The following PCDHA12 variants were observed in gnomAD, a reference collection of about 807,000 sequenced individuals.
PCDHA12 encodes protocadherin alpha 12.
PCDHA12 carries 44 observed loss-of-function variants against 60.0 expected under a neutral mutation model. The ratio of observed to expected loss-of-function variants is 0.73; its 90% CI spans 0.58 to 0.94. The LOEUF is 0.94. Ranked by LOEUF, PCDHA12 falls within the 40% of genes least tolerant of loss-of-function variation. The probability of loss-of-function intolerance (pLI) is 0.00; values close to 1 mark genes in which losing one functional copy is unlikely to be tolerated. For missense variants in PCDHA12, 1,276 were observed against 1,239.7 expected (o/e 1.03, Z -0.44); for synonymous variants, 569 against 553.0 (o/e 1.03, Z -0.40).
At chr5:140,883,398 G>A (rs1421475221) in intron 1 of PCDHA12, 1 of 1,614,166 alleles carries the variant, frequency 6.2e-7, no homozygotes, top group Non-Finnish European at 8.5e-7. Flanking sequence ...GTGTCCGATC[G>A]TGACTCTGGC....
rs1195729562 is a variant in PCDHA12, at chr5:140,897,783, G to A, written c.2367+19944G>A. 1.3e-3 allele frequency among the ~76,000 whole-genome samples: 204 copies of A among 152,264 alleles called. 1 individual carries two copies. The highest frequency in any genetic ancestry group is 0.011 in the South Asian group (52 of 4,820). ...CGCCACACTGACTTCCACAATGGTTGAACTAGTTTAGAGTCCCACCAACAG... is the reference window on the plus strand; with the variant it reads ...CGCCACACTGACTTCCACAATGGTTAAACTAGTTTAGAGTCCCACCAACAG... On this transcript the variant is annotated intron_variant, in intron 1 of 3. Transcript: ENST00000398631.
In PCDHA12 at chr5:140,927,750, G is replaced by T. The variant is rs155819; in HGVS notation, c.2367+49911G>T. The T allele has an allele frequency of 1.4e-3, 2,310 of 1,614,204 alleles. 26 individuals carry two copies. In the African/African-American group the frequency reaches 0.026, roughly 18 times the overall value. On this transcript the variant is annotated intron_variant, in intron 1 of 3. Coordinates refer to ENST00000398631, the MANE Select transcript of PCDHA12 (RefSeq NM_018903.4). ...CAGAGCTGCGACACCGCTTTCACGT[G>T]CACCCTAAAAGTGGGGAGGTGCAAG...
chr5:140,971,902 T>G (rs1554233695), intron 1 of PCDHA12, among the ~76,000 whole-genome samples: 2 of 152,280 alleles, frequency 1.3e-5, no homozygotes, highest in Admixed American at 1.3e-4. Flanking sequence ...GGTTAGGTAA[T>G]CTACACAGCC....
intron 1 of PCDHA12, chr5:140,883,799 C>T: frequency 1.2e-6 from 2 of 1,612,460 alleles, no homozygotes; most frequent in Non-Finnish European, 1.7e-6. Flanking sequence ...CGTGTCGGTG[C>T]ACGCGGAGAG....
At position 141,004,143 on chromosome 5, in the gene PCDHA12, C is replaced by T. The variant is rs1023273119; in HGVS notation, c.2516-5484C>T. 2.6e-5 allele frequency among the ~76,000 whole-genome samples: 4 copies of T among 152,252 alleles called. No homozygotes were observed. In the East Asian group the frequency reaches 7.7e-4, roughly 29 times the overall value. ...TATCTCCATGATTCTGCCCCAAAGG[C>T]ATGACATTTTATAGGCAAAGCCAGC... On this transcript the variant is annotated intron_variant, in intron 3 of 3. Transcript: ENST00000398631.
intron 1 of PCDHA12, chr5:140,967,043 G>A: frequency 6.2e-7 from 1 of 1,612,108 alleles, no homozygotes; most frequent in Non-Finnish European, 8.5e-7. Context: ...CCTGGAGCTG[G>A]ACCTGACGAG....
chr5:141,002,494 C>CGGT (rs2098083464), intron 3 of PCDHA12, among the ~76,000 whole-genome samples: 1 of 152,228 alleles, frequency 6.6e-6, no homozygotes, highest in Admixed American at 6.5e-5. Flanking sequence ...CCTTGTTATA[C>CGGT]AGCTCAGGAT....
At chr5:140,922,825 C>T (rs1554200979) in intron 1 of PCDHA12, among the ~76,000 whole-genome samples, 1 of 152,178 alleles carries the variant, frequency 6.6e-6, no homozygotes, top group Non-Finnish European at 1.5e-5. Context: ...CAGCATACTG[C>T]TAATAGATGT....
intron 3 of PCDHA12, among the ~76,000 whole-genome samples, chr5:140,997,125 A>C (rs2097760835): frequency 6.6e-6 from 1 of 152,072 alleles, no homozygotes; most frequent in Admixed American, 6.6e-5. Context: ...CCACATACAC[A>C]ATGCCCCCAC....
intron 3 of PCDHA12, among the ~76,000 whole-genome samples, chr5:140,986,736 A>G (rs1056820843): frequency 1.3e-5 from 2 of 152,206 alleles, no homozygotes; most frequent in Non-Finnish European, 2.9e-5. Flanking sequence ...TCAAGACCCC[A>G]GGGGATCTGG....
chr5:140,921,257 A>G lies in PCDHA12; in HGVS notation c.2367+43418A>G, dbSNP rs115706395. On this transcript the variant is annotated intron_variant, in intron 1 of 3. Coordinates refer to ENST00000398631, the MANE Select transcript of PCDHA12 (RefSeq NM_018903.4). The stretch of plus-strand genomic sequence containing the variant: ...ATTAAGCCACAGATCAAAAAGTCCT[A>G]GACTTTTATACTTACTTGAAAAAAA... 1.4e-3 allele frequency among the ~76,000 whole-genome samples: 213 copies of G among 152,258 alleles called. 1 individual carries two copies. The highest frequency in any genetic ancestry group is 4.8e-3 in the African/African-American group (199 of 41,532).
At chr5:140,901,666 T>C (rs539450371) in intron 1 of PCDHA12, among the ~76,000 whole-genome samples, 12 of 152,346 alleles carry the variant, frequency 7.9e-5, no homozygotes, top group African/African-American at 2.6e-4. Context: ...TTGCTCAAGA[T>C]ACCTTTAGGT....
chr5:140,966,678 C>T, intron 1 of PCDHA12: 5 of 1,313,350 alleles, frequency 3.8e-6, no homozygotes, highest in South Asian at 3.6e-5. Context: ...CAGGGTGGCA[C>T]GAGCGGAGGC....
chr5:140,905,170 G>A (rs1350085385), intron 1 of PCDHA12, among the ~76,000 whole-genome samples: 1 of 152,188 alleles, frequency 6.6e-6, no homozygotes, highest in Non-Finnish European at 1.5e-5. Context: ...ATGGTTTCAG[G>A]TTTTAGATTT....
chr5:140,921,268 C>G (rs2080134153), intron 1 of PCDHA12, among the ~76,000 whole-genome samples: 1 of 151,980 alleles, frequency 6.6e-6, no homozygotes, highest in Non-Finnish European at 1.5e-5. Context: ...GACTTTTATA[C>G]TTACTTGAAA....
At chr5:140,960,764 A>C (rs1383623742) in intron 1 of PCDHA12, among the ~76,000 whole-genome samples, 7 of 152,164 alleles carry the variant, frequency 4.6e-5, no homozygotes, top group African/African-American at 1.7e-4. Flanking sequence ...CAAGAGTTAC[A>C]GAGGAGAAAT....
intron 1 of PCDHA12, among the ~76,000 whole-genome samples, chr5:140,959,860 A>G (rs1554224378): frequency 6.6e-6 from 1 of 152,230 alleles, no homozygotes; most frequent in East Asian, 1.9e-4. Context: ...GGAATTATGT[A>G]GCAAAATCTG....
rs145919251 is a variant in PCDHA12, at chr5:140,979,502, C to T, written c.2426+495C>T. On this transcript the variant is annotated intron_variant, in intron 2 of 3. Coordinates refer to ENST00000398631, the MANE Select transcript of PCDHA12 (RefSeq NM_018903.4). Reference sequence around the variant, plus strand: ...GTGTTCACACCTATTAGAGCCTCCTCATCTTTCCCATCTGTTGCTATCTTA... The same window carrying T: ...GTGTTCACACCTATTAGAGCCTCCTTATCTTTCCCATCTGTTGCTATCTTA... 1.1e-3 allele frequency among the ~76,000 whole-genome samples: 170 copies of T among 152,258 alleles called. 4 individuals are homozygous for T. In the East Asian group the frequency reaches 0.028, roughly 25 times the overall value.
At chr5:140,880,369 G>A (rs1055944264) in intron 1 of PCDHA12, among the ~76,000 whole-genome samples, 4 of 152,210 alleles carry the variant, frequency 2.6e-5, no homozygotes, top group African/African-American at 9.7e-5. Context: ...TGAAAACCAT[G>A]AGAGAATAGA....
Sources: gnomAD v4.1 joint callset for allele counts (sites outside exome capture counted in the v4.1 genomes callset) on GRCh38, gnomAD v4.1.1 for gene constraint, MANE v1.5 for transcripts, NCBI Gene and HGNC (gene_info 2026-07-23, HGNC 2026-07-21) for gene names.